Variants in SLIT2 observed in about 807,000 individuals in gnomAD.
SLIT2 encodes slit homolog 2 protein.
Under a neutral mutation model 185.7 loss-of-function variants are expected in SLIT2, and 41 were observed. That is an observed-to-expected ratio of 0.22 (90% confidence interval 0.17 to 0.29). The LOEUF (loss-of-function observed/expected upper bound fraction) is 0.29, where lower values mean the gene tolerates loss of function less well. SLIT2 is among the 10% of genes least tolerant of loss of function. The probability of loss-of-function intolerance (pLI) is 1.00; values close to 1 mark genes in which losing one functional copy is unlikely to be tolerated. For synonymous variants in SLIT2, 693 were observed against 680.2 expected, an observed-to-expected ratio of 1.02 and a Z score of -0.29; for missense variants, 1,571 against 1,909.0, an observed-to-expected ratio of 0.82 and a Z score of 3.30.
intron 4 of SLIT2, among the ~76,000 whole-genome samples, chr4:20,333,195 C>G (rs897722538): frequency 1.3e-5 from 2 of 152,026 alleles, no homozygotes; most frequent in Non-Finnish European, 2.9e-5. Context: ...CTTTTAGATT[C>G]TTCTGGGGGA....
chr4:20,493,714 G>A (rs955872543), intron 9 of SLIT2, among the ~76,000 whole-genome samples: 13 of 152,198 alleles, frequency 8.5e-5, no homozygotes, highest in South Asian at 2.1e-4. Context: ...AACTAAGGGC[G>A]GTTGTCAGTT....
chr4:20,419,326 A>G (rs1004158840), intron 4 of SLIT2, among the ~76,000 whole-genome samples: 3 of 152,198 alleles, frequency 2.0e-5, no homozygotes, highest in Non-Finnish European at 2.9e-5. Context: ...ACATACATGT[A>G]CACACATATG....
intron 29 of SLIT2, among the ~76,000 whole-genome samples, chr4:20,574,200 C>T (rs189329994): frequency 1.6e-4 from 25 of 151,980 alleles, no homozygotes; most frequent in Non-Finnish European, 2.4e-4. Context: ...ATGATTCACC[C>T]GCCTCAATCT....
chr4:20,485,349 A>G (rs1219656760), intron 6 of SLIT2, among the ~76,000 whole-genome samples: 2 of 152,172 alleles, frequency 1.3e-5, no homozygotes, highest in Non-Finnish European at 2.9e-5. Flanking sequence ...TTACCATAAA[A>G]TAATAGCCAT....
At chr4:20,616,410 C>G (rs1300000188) in intron 34 of SLIT2, 1 of 152,526 alleles carries the variant, frequency 6.6e-6, no homozygotes, top group African/African-American at 2.4e-5. Context: ...ACTGGGTCAC[C>G]TTGAGCATGT....
intron 4 of SLIT2, among the ~76,000 whole-genome samples, chr4:20,418,147 A>G (rs886460848): frequency 3.9e-5 from 6 of 152,196 alleles, no homozygotes; most frequent in Non-Finnish European, 7.3e-5. Context: ...GACTCTGTAC[A>G]TAGGAGGCCA....
chr4:20,510,644 A>G, intron 10 of SLIT2, 78 bp downstream of exon 10: 1 of 863,654 alleles, frequency 1.2e-6, no homozygotes, highest in Non-Finnish European at 1.9e-6. Flanking sequence ...AAACTTAAGT[A>G]TGAGTATATA....
At chr4:20,600,663 T>C (rs1240702935) in intron 33 of SLIT2, among the ~76,000 whole-genome samples, 1 of 152,028 alleles carries the variant, frequency 6.6e-6, no homozygotes, top group Non-Finnish European at 1.5e-5. Context: ...AACCTCGTGA[T>C]CCGTCCATTT....
Position 20,257,874 on chromosome 4 carries a change from T to C in SLIT2, c.258T>C (p.Leu86=), listed in dbSNP as rs769934049. Residue 86 remains leucine (L), a synonymous_variant, in exon 3 of 37, where the codon CTT becomes CTC. Transcript: ENST00000504154. ...AGLRHLRVLQ[L]MENKISTIER... ...GTTATATTTTGCATTTCAGTCAGCT[T>C]ATGGAGAATAAGATTAGCACCATTG... 1.9e-6 allele frequency: 3 copies of C among 1,540,566 alleles called. No homozygotes were observed. Among genetic ancestry groups the C allele is most frequent in the Non-Finnish European group, 2.7e-6 (3 of 1,116,052 alleles).
Position 20,542,575 on chromosome 4 carries a change from A to G in SLIT2, c.2225A>G (p.Asn742Ser). Residue 742 changes from asparagine to serine, a missense_variant, in exon 21 of 37, where the codon AAC becomes AGC. Transcript: ENST00000504154. The stretch of plus-strand genomic sequence containing the variant: ...TTGGATACAGTCGTCCGATGTAGCA[A>G]CAAGGGTTTGAAGGTCTTGCCGAAA... ...TCLDTVVRCS[N>S]KGLKVLPKGI... The G allele has an allele frequency of 6.2e-7, 1 of 1,613,940 alleles. No individual in the cohort carries two copies. The highest frequency in any genetic ancestry group is 2.2e-5 in the East Asian group (1 of 44,866).
Position 20,268,817 on chromosome 4 carries a change from A to C in SLIT2, c.331A>C (p.Asn111His). The C allele has an allele frequency of 6.2e-7, 1 of 1,610,172 alleles. No homozygotes were observed. The highest frequency in any genetic ancestry group is 8.5e-7 in the Non-Finnish European group (1 of 1,176,904). The change falls in exon 4 of 37, where the codon AAC becomes CAC. Residue 111 changes from asparagine to histidine, a missense_variant. Transcript: ENST00000504154. ...TTTTTGTTTTCTCAAAAGGCGTTTA[A>C]ACAGAAATCACCTTCAGCTGTTTCC... ...DLKELERLRL[N>H]RNHLQLFPEL...
chr4:20,271,643 T>G (rs1713625808), intron 4 of SLIT2, among the ~76,000 whole-genome samples: 1 of 151,756 alleles, frequency 6.6e-6, no homozygotes, highest in Non-Finnish European at 1.5e-5. Flanking sequence ...ATTTCTTTTC[T>G]TAGTTATTGT....
At chr4:20,355,880 CTACTAT>C (rs1722280380) in intron 4 of SLIT2, among the ~76,000 whole-genome samples, 1 of 152,082 alleles carries the variant, frequency 6.6e-6, no homozygotes, top group African/African-American at 2.4e-5. Flanking sequence ...TTTACTACTA[CTACTAT>C]TATTATTAGG....
At chr4:20,559,675 A>G (rs1456273952) in intron 26 of SLIT2, among the ~76,000 whole-genome samples, 1 of 151,958 alleles carries the variant, frequency 6.6e-6, no homozygotes, top group African/African-American at 2.4e-5. Flanking sequence ...AGTGAAAACT[A>G]TCATTTCCCC....
intron 5 of SLIT2, among the ~76,000 whole-genome samples, chr4:20,473,726 G>A (rs1715809621): frequency 6.6e-6 from 1 of 151,878 alleles, no homozygotes; most frequent in South Asian, 2.1e-4. Context: ...TCAAATATCT[G>A]TTTTCTAGTT....
chr4:20,498,665 G>A (rs1479772318), intron 9 of SLIT2, among the ~76,000 whole-genome samples: 2 of 152,112 alleles, frequency 1.3e-5, no homozygotes, highest in African/African-American at 4.8e-5. Context: ...TGTTGTGTTT[G>A]CTCCTATGTC....
intron 4 of SLIT2, among the ~76,000 whole-genome samples, chr4:20,350,812 A>C (rs1721810166): frequency 6.6e-6 from 1 of 152,112 alleles, no homozygotes. Context: ...GGCAAGAAGT[A>C]AGACCCCATC....
intron 21 of SLIT2, among the ~76,000 whole-genome samples, chr4:20,545,023 G>T: frequency 6.6e-6 from 1 of 152,060 alleles, no homozygotes. Flanking sequence ...TATATTTTCT[G>T]ATAACTGGTG....
intron 4 of SLIT2, among the ~76,000 whole-genome samples, chr4:20,373,313 A>G (rs991863077): frequency 6.6e-6 from 1 of 152,146 alleles, no homozygotes; most frequent in African/African-American, 2.4e-5. Context: ...TTACAATTAT[A>G]TGTAACATGA....
Sources: gnomAD v4.1 joint callset for allele counts (sites outside exome capture counted in the v4.1 genomes callset) on GRCh38, gnomAD v4.1.1 for gene constraint, MANE v1.5 for transcripts, NCBI Gene and HGNC (gene_info 2026-07-23, HGNC 2026-07-21) for gene names.